The following CNTNAP2 variants were observed in gnomAD, a reference collection of about 807,000 sequenced individuals.
CNTNAP2 encodes the protein contactin-associated protein-like 2.
A neutral mutation model predicts 155.2 loss-of-function variants in CNTNAP2; 98 were observed. The observed-to-expected ratio is 0.63, with a 90% CI of 0.54 to 0.75. The LOEUF (loss-of-function observed/expected upper bound fraction) is 0.75. CNTNAP2 is among the 30% of genes least tolerant of loss of function. CNTNAP2 has a pLI of 0.00. For synonymous variants in CNTNAP2, 651 were observed against 631.2 expected, an observed-to-expected ratio of 1.03 and a Z score of -0.47; for missense variants, 1,727 against 1,688.1, an observed-to-expected ratio of 1.02 and a Z score of -0.40.
chr7:147,774,229 A>C (rs1797522890), intron 13 of CNTNAP2, among the ~76,000 whole-genome samples: 1 of 152,164 alleles, frequency 6.6e-6, no homozygotes, highest in South Asian at 2.1e-4. Context: ...CTCCATGTGG[A>C]AATGAATTTT....
intron 21 of CNTNAP2, among the ~76,000 whole-genome samples, chr7:148,328,670 C>T (rs959198355): frequency 6.6e-6 from 1 of 152,024 alleles, no homozygotes; most frequent in East Asian, 1.9e-4. Context: ...GGTCATTCTC[C>T]CTAGAAAGAC....
intron 14 of CNTNAP2, among the ~76,000 whole-genome samples, chr7:147,915,705 TAA>T (rs11349544): frequency 0.013 from 1,896 of 140,840 alleles, 40 homozygotes; most frequent in African/African-American, 0.043. Flanking sequence ...AAGCTTTGTT[TAA>T]AAAAAAAAAA....
chr7:146,545,285 C>A (rs1409547539), intron 1 of CNTNAP2, among the ~76,000 whole-genome samples: 1 of 151,670 alleles, frequency 6.6e-6, no homozygotes, highest in South Asian at 2.1e-4. Context: ...TATCAGCTAC[C>A]GTGAACTGTT....
intron 21 of CNTNAP2, among the ~76,000 whole-genome samples, chr7:148,356,486 G>T (rs1182194994): frequency 6.6e-6 from 1 of 152,234 alleles, no homozygotes; most frequent in East Asian, 1.9e-4. Flanking sequence ...TCCTGCTCCT[G>T]AGAGCTGGAC....
At chr7:147,750,240 ATTTTTATAAT>A (rs921438605) in intron 13 of CNTNAP2, among the ~76,000 whole-genome samples, 2 of 152,214 alleles carry the variant, frequency 1.3e-5, no homozygotes, top group African/African-American at 4.8e-5. Context: ...TAATGTCAAA[ATTTTTATAAT>A]TTTTATTAAA....
At chr7:147,158,881 A>G (rs1801974637) in intron 8 of CNTNAP2, among the ~76,000 whole-genome samples, 2 of 152,274 alleles carry the variant, frequency 1.3e-5, no homozygotes, top group South Asian at 4.1e-4. Flanking sequence ...AGGAGAAAAC[A>G]GATCTCAAAC....
rs547742445 is a variant in CNTNAP2, at chr7:148,288,079, C to T, written c.3475+20953C>T. On this transcript the variant is annotated intron_variant, in intron 21 of 23. Transcript: ENST00000361727. The stretch of plus-strand genomic sequence containing the variant: ...TGCGGGGATTACAGGCGTGAGCCAC[C>T]GCGCCCAACCTTTTTTTTTTTCTTT... Among the ~76,000 whole-genome samples the T allele has an allele frequency of 8.7e-5, 13 of 149,898 alleles. 1 individual carries two copies. The highest frequency in any genetic ancestry group is 4.6e-4 in the Admixed American group (7 of 15,072).
intron 1 of CNTNAP2, among the ~76,000 whole-genome samples, chr7:146,699,416 A>G (rs1800837835): frequency 6.6e-6 from 1 of 152,014 alleles, no homozygotes; most frequent in Non-Finnish European, 1.5e-5. Flanking sequence ...AGTTCTGCTG[A>G]TGTGGTGATA....
chr7:148,257,014 G>A (rs1305826952), intron 20 of CNTNAP2, among the ~76,000 whole-genome samples: 1 of 152,178 alleles, frequency 6.6e-6, no homozygotes, highest in African/African-American at 2.4e-5. Flanking sequence ...TGTATTTGGT[G>A]AAAGGACAGC....
rs114972008 is a variant in CNTNAP2, at chr7:147,187,145, T to G, written c.1348+54636T>G. 3.2e-3 allele frequency among the ~76,000 whole-genome samples: 490 copies of G among 151,668 alleles called. 5 individuals carry two copies. Among genetic ancestry groups the G allele is most frequent in the African/African-American group, 0.011 (442 of 41,310 alleles). ...GGGGAGAAAGAATGAACATGGAGAG[T>G]ATAGTTAAGCCACTGCAGGAGCTCA... On this transcript the variant is annotated intron_variant, in intron 8 of 23. Coordinates refer to ENST00000361727, the MANE Select transcript of CNTNAP2 (RefSeq NM_014141.6).
intron 3 of CNTNAP2, among the ~76,000 whole-genome samples, chr7:146,913,758 C>CT (rs200967115): frequency 0.048 from 7,090 of 148,932 alleles, 234 homozygotes; most frequent in Non-Finnish European, 0.072. Flanking sequence ...CATATGGATT[C>CT]TTTTTTTTTT....
chr7:148,121,592 C>CT (rs1229448230), intron 16 of CNTNAP2, among the ~76,000 whole-genome samples: 1 of 151,998 alleles, frequency 6.6e-6, no homozygotes, highest in East Asian at 1.9e-4. Context: ...TTTTTTTTCT[C>CT]TAAGCGTGTC....
At chr7:146,758,566 C>T (rs959957806) in intron 1 of CNTNAP2, among the ~76,000 whole-genome samples, 1 of 152,086 alleles carries the variant, frequency 6.6e-6, no homozygotes, top group Non-Finnish European at 1.5e-5. Flanking sequence ...GCAATCATGG[C>T]AGAAGGTGAA....
At chr7:146,471,749 C>T (rs1796802367) in intron 1 of CNTNAP2, among the ~76,000 whole-genome samples, 1 of 152,212 alleles carries the variant, frequency 6.6e-6, no homozygotes. Flanking sequence ...ATAGTGTAGG[C>T]ACATTTTGAA....
At chr7:147,479,375 C>A (rs190952382) in intron 10 of CNTNAP2, among the ~76,000 whole-genome samples, 4 of 152,150 alleles carry the variant, frequency 2.6e-5, no homozygotes, top group East Asian at 3.9e-4. Context: ...TTTCTTTATT[C>A]TTTGTTTCTC....
chr7:147,546,562 G>C (rs1342311832), intron 11 of CNTNAP2, among the ~76,000 whole-genome samples: 1 of 152,150 alleles, frequency 6.6e-6, no homozygotes, highest in Non-Finnish European at 1.5e-5. Context: ...ATTAAAAAAA[G>C]TAGATATGTA....
intron 1 of CNTNAP2, among the ~76,000 whole-genome samples, chr7:146,309,550 C>T (rs536804912): frequency 6.6e-6 from 1 of 152,104 alleles, no homozygotes; most frequent in Middle Eastern, 3.4e-3. Flanking sequence ...GCATGTAATC[C>T]CAGCATTTTG....
intron 11 of CNTNAP2, among the ~76,000 whole-genome samples, chr7:147,528,010 G>T (rs1214243572): frequency 6.6e-6 from 1 of 152,174 alleles, no homozygotes; most frequent in Non-Finnish European, 1.5e-5. Flanking sequence ...CTTTTGGTAC[G>T]TGGGGATGCT....
At chr7:147,392,869 T>C (rs867829272) in intron 9 of CNTNAP2, among the ~76,000 whole-genome samples, 7 of 152,098 alleles carry the variant, frequency 4.6e-5, no homozygotes, top group South Asian at 2.1e-4. Context: ...AAGTAGTGAA[T>C]TAATGGCATT....
Sources: allele counts gnomAD v4.1 joint callset (sites outside exome capture counted in the v4.1 genomes callset), GRCh38; gene constraint gnomAD v4.1.1; transcripts MANE v1.5; gene names NCBI Gene and HGNC (gene_info 2026-07-23, HGNC 2026-07-21).